The following EZH2 variants were observed in gnomAD, a reference collection of about 807,000 sequenced individuals.
EZH2 encodes the protein enhancer of zeste 2 polycomb repressive complex 2 subunit.
Under a neutral mutation model 98.4 loss-of-function variants are expected in EZH2, and 18 were observed. That is an observed-to-expected ratio of 0.18 (90% CI 0.13 to 0.27). The LOEUF (loss-of-function observed/expected upper bound fraction) is 0.27, where lower values mean the gene tolerates loss of function less well. Among genes scored for constraint, EZH2 ranks in the 10% least tolerant of loss-of-function variants. The probability of loss-of-function intolerance (pLI) is 1.00; values close to 1 mark genes in which losing one functional copy is unlikely to be tolerated. For missense variants in EZH2, 470 were observed against 935.1 expected (o/e 0.50, Z 6.49); for synonymous variants, 338 against 312.3 (o/e 1.08, Z -0.87).
chr7:148,862,487 TG>T (rs1266705097), intron 1 of EZH2, among the ~76,000 whole-genome samples: 1 of 152,214 alleles, frequency 6.6e-6, no homozygotes, highest in African/African-American at 2.4e-5. Flanking sequence ...CCAACAAATA[TG>T]GTCAGTTGTT....
At chr7:148,815,338 A>C (rs1804256038) in intron 13 of EZH2, among the ~76,000 whole-genome samples, 168 bp downstream of exon 13, 1 of 152,164 alleles carries the variant, frequency 6.6e-6, no homozygotes, top group African/African-American at 2.4e-5. Context: ...TACAGAAGAG[A>C]ATTGACTGGG....
chr7:148,861,800 AT>A (rs559384308), intron 1 of EZH2, among the ~76,000 whole-genome samples: 45 of 75,738 alleles, frequency 5.9e-4, no homozygotes, highest in Non-Finnish European at 5.2e-4. Flanking sequence ...GCCTTCTTTT[AT>A]TTAAAAAAAA....
At chr7:148,866,505 T>C (rs1426601980) in intron 1 of EZH2, among the ~76,000 whole-genome samples, 2 of 96,912 alleles carry the variant, frequency 2.1e-5, no homozygotes, top group African/African-American at 8.2e-5. Flanking sequence ...TATATACGTA[T>C]ATACATATAT....
intron 1 of EZH2, among the ~76,000 whole-genome samples, chr7:148,854,033 T>G (rs147283890): frequency 3.0e-3 from 459 of 152,308 alleles, no homozygotes; most frequent in Non-Finnish European, 4.8e-3. Flanking sequence ...ACGCCCCTAC[T>G]CCACTTGTGA....
intron 8 of EZH2, among the ~76,000 whole-genome samples, chr7:148,822,280 C>T (rs1482720662): frequency 1.3e-5 from 2 of 151,354 alleles, no homozygotes; most frequent in South Asian, 2.1e-4. Flanking sequence ...GAGGCTGAGG[C>T]GGGCAGATCA....
chr7:148,828,716 C>A (rs1388569754), intron 6 of EZH2, 24 bp downstream of exon 6: 1 of 1,607,124 alleles, frequency 6.2e-7, no homozygotes, highest in Non-Finnish European at 8.5e-7. Context: ...AATGGCTACA[C>A]AGAATCCTAA....
intron 8 of EZH2, among the ~76,000 whole-genome samples, chr7:148,824,320 A>G (rs941924316): frequency 2.0e-5 from 3 of 152,068 alleles, no homozygotes; most frequent in Admixed American, 2.0e-4. Flanking sequence ...GTCTCAAAAA[A>G]AAAAAAAAAC....
At chr7:148,880,814 C>T (rs536733988) in intron 1 of EZH2, among the ~76,000 whole-genome samples, 72 of 152,134 alleles carry the variant, frequency 4.7e-4, no homozygotes, top group Non-Finnish European at 9.3e-4. Flanking sequence ...CAAATACCAA[C>T]GTAGGTACTA....
intron 1 of EZH2, among the ~76,000 whole-genome samples, chr7:148,881,933 CAAA>C (rs11412628): frequency 8.2e-6 from 1 of 122,124 alleles, no homozygotes; most frequent in Non-Finnish European, 1.7e-5. Flanking sequence ...GGCTCTGTCT[CAAA>C]AAAAAAAAAA....
At chr7:148,836,390 A>C (rs1385231223) in intron 3 of EZH2, among the ~76,000 whole-genome samples, 1 of 152,230 alleles carries the variant, frequency 6.6e-6, no homozygotes, top group East Asian at 1.9e-4. Flanking sequence ...ATGCAAAAGC[A>C]TTTGTTGGTG....
chr7:148,867,816 G>A (rs1425849968), intron 1 of EZH2, among the ~76,000 whole-genome samples: 2 of 152,198 alleles, frequency 1.3e-5, no homozygotes, highest in East Asian at 1.9e-4. Context: ...AAGCAGCCAG[G>A]CCACTTCTTG....
At chr7:148,828,478 T>TG (rs1239243370) in intron 6 of EZH2, among the ~76,000 whole-genome samples, 1 of 151,906 alleles carries the variant, frequency 6.6e-6, no homozygotes, top group African/African-American at 2.4e-5. Context: ...TTAGTAGAGA[T>TG]GGGGTCTCAC....
At position 148,828,746 on chromosome 7, in the gene EZH2, G is replaced by A. The variant is rs1554498830; in HGVS notation, c.619C>T (p.Arg207Ter). Residue 207 changes from arginine to a stop codon, truncating the protein, a stop_gained, in exon 6 of 20, where the codon CGA (arginine) becomes TGA (stop). Coordinates refer to ENST00000320356, the MANE Select transcript of EZH2 (RefSeq NM_004456.5). LOFTEE classifies it high-confidence loss of function. ...EEKQKDLEDHRDDKESRPPRK... is the reference protein window; with the variant it reads ...EEKQKDLEDH ...TCCTAATAATCAGGCATACCATCTC[G>A]GTGATCCTCCAGATCTTTCTGCTTT... The A allele has an allele frequency of 6.2e-7, 1 of 1,612,684 alleles. No homozygotes were observed. The highest frequency in any genetic ancestry group is 8.5e-7 in the Non-Finnish European group (1 of 1,179,756).
chr7:148,845,103 A>G (rs749362784), intron 3 of EZH2, among the ~76,000 whole-genome samples: 30 of 152,294 alleles, frequency 2.0e-4, no homozygotes, highest in Admixed American at 3.9e-4. Context: ...GCATTCTGAG[A>G]TTCATAATGG....
intron 3 of EZH2, among the ~76,000 whole-genome samples, chr7:148,839,247 C>T (rs1388380697): frequency 6.6e-6 from 1 of 152,070 alleles, no homozygotes; most frequent in Non-Finnish European, 1.5e-5. Context: ...TACAACTGCC[C>T]CTCACTATTC....
At position 148,807,405 on chromosome 7, in the gene EZH2, T is replaced by A. The variant is rs1270413969; in HGVS notation, c.*241A>T. The A allele has an allele frequency of 6.0e-6, 3 of 500,440 alleles. No homozygotes were observed. The highest frequency in any genetic ancestry group is 5.8e-5 in the African/African-American group (3 of 52,014). 31.0% of individuals were successfully genotyped at this position (500,440 alleles called of 1,614,324 possible). A position where few individuals can be genotyped will look rare whatever the true frequency, so the allele number is the denominator to read the frequency against. On this transcript the variant is annotated 3_prime_UTR_variant, in exon 20 of 20. Transcript: ENST00000320356. ...AAGGACAAGTTCAAGTATTCTTTATTCAAAGTTGAAAAATGTACCATACTG... is the reference window on the plus strand; with the variant it reads ...AAGGACAAGTTCAAGTATTCTTTATACAAAGTTGAAAAATGTACCATACTG...
rs59597308 is a variant in EZH2 at position 148,846,838 on chromosome 7, CTGTGTGTGTGTGTGTGTG to C, written c.118-258_118-241del. Reference sequence around the variant, plus strand: ...ACGATTGCCATCCTTTCTTTGTTGACTGTGTGTGTGTGTGTGTGTGTGTGTGTGTGTGTGTGTGTGTGT... The same window carrying C: ...ACGATTGCCATCCTTTCTTTGTTGACTGTGTGTGTGTGTGTGTGTGTGTGT... On this transcript the variant is annotated intron_variant, in intron 2 of 19. Transcript: ENST00000320356. Among the ~76,000 whole-genome samples, 1,290 of 135,168 alleles carry C rather than the reference CTGTGTGTGTGTGTGTGTG, an allele frequency of 9.5e-3. 23 individuals are homozygous for C. The highest frequency in any genetic ancestry group is 0.031 in the African/African-American group (1,153 of 36,960). The allele number at this position is 135,168 out of a possible 152,430, so 88.7% of individuals were successfully genotyped here.
chr7:148,860,151 G>A (rs1050901747), intron 1 of EZH2, among the ~76,000 whole-genome samples: 1 of 151,900 alleles, frequency 6.6e-6, no homozygotes, highest in East Asian at 1.9e-4. Flanking sequence ...AATCTGCTCT[G>A]GTTTTATCAT....
intron 1 of EZH2, among the ~76,000 whole-genome samples, chr7:148,879,859 C>T (rs61562892): frequency 6.6e-6 from 1 of 150,934 alleles, no homozygotes; most frequent in African/African-American, 2.4e-5. Flanking sequence ...CATCCCTGTA[C>T]TTTAAGAGGC....
Sources: gnomAD v4.1 joint callset for allele counts (sites outside exome capture counted in the v4.1 genomes callset) on GRCh38, gnomAD v4.1.1 for gene constraint, MANE v1.5 for transcripts, NCBI Gene and HGNC (gene_info 2026-07-23, HGNC 2026-07-21) for gene names.